LOXHD1: variants seen among roughly 807,000 people sequenced by gnomAD.
LOXHD1 encodes the protein lipoxygenase homology domain-containing protein 1.
Under a neutral mutation model 248.2 loss-of-function variants are expected in LOXHD1, and 205 were observed. That is an observed-to-expected ratio of 0.83 (90% CI 0.74 to 0.93). The LOEUF is 0.93. Ranked by LOEUF, LOXHD1 falls within the 40% of genes least tolerant of loss-of-function variation. The pLI is 0.00. For synonymous variants in LOXHD1, 1,113 were observed against 1,162.8 expected (o/e 0.96, Z 0.87); for missense variants, 2,930 against 2,971.6 (o/e 0.99, Z 0.33).
intron 37 of LOXHD1, 67 bp from the exon 38 acceptor site, chr18:46,489,209 T>G (rs2033291858): frequency 6.7e-7 from 1 of 1,494,268 alleles, no homozygotes; most frequent in Admixed American, 2.0e-5. Flanking sequence ...GACTTCTACA[T>G]CCCCACAACC....
At chr18:46,504,124 G>GT (rs200695948) in intron 37 of LOXHD1, among the ~76,000 whole-genome samples, 4,825 of 150,948 alleles carry the variant, frequency 0.032, 108 homozygotes, top group Middle Eastern at 0.071. Context: ...GTTTTGTTTT[G>GT]TTTTTTTTTG....
In LOXHD1 at chr18:46,477,421, C is replaced by A. The variant is rs2032090972; in HGVS notation, c.*51G>T. 3.3e-6 allele frequency: 5 copies of A among 1,531,768 alleles called. No homozygotes were observed. The Admixed American group carries it at 8.0e-5, about 24-fold the overall frequency. The allele number at this position is 1,531,768 out of a possible 1,614,324, so 94.9% of individuals were successfully genotyped here. A position where few individuals can be genotyped will look rare whatever the true frequency, so the allele number is the denominator to read the frequency against. Reference sequence around the variant, plus strand: ...GGCTGCTGACCGCCAAGGTGGAGGGCAGAAATGTGAGATTGGGGCATCTCA... The same window carrying A: ...GGCTGCTGACCGCCAAGGTGGAGGGAAGAAATGTGAGATTGGGGCATCTCA... On this transcript the variant is annotated 3_prime_UTR_variant, in exon 41 of 41. Coordinates refer to ENST00000642948, the MANE Select transcript of LOXHD1 (RefSeq NM_001384474.1).
chr18:46,599,212 G>C (rs1012712751), intron 8 of LOXHD1, among the ~76,000 whole-genome samples: 3 of 152,196 alleles, frequency 2.0e-5, no homozygotes, highest in Middle Eastern at 3.4e-3. Flanking sequence ...GTAAATCAGT[G>C]CTTCCAAAAC....
intron 31 of LOXHD1, among the ~76,000 whole-genome samples, chr18:46,522,929 G>A (rs1438559540): frequency 2.0e-5 from 3 of 151,962 alleles, no homozygotes; most frequent in Non-Finnish European, 4.4e-5. Flanking sequence ...TGTTGGGTAG[G>A]TTTCTGGGGA....
intron 21 of LOXHD1, 90 bp downstream of exon 21, chr18:46,557,266 C>T (rs1598996740): frequency 8.0e-6 from 12 of 1,501,140 alleles, no homozygotes; most frequent in Non-Finnish European, 1.1e-5. Context: ...ACAGCCGGCC[C>T]ACCCCCAGTC....
At chr18:46,510,790 G>A (rs2034914502) in intron 34 of LOXHD1, among the ~76,000 whole-genome samples, 2 of 152,192 alleles carry the variant, frequency 1.3e-5, no homozygotes, top group African/African-American at 2.4e-5. Flanking sequence ...AACTTGCTCT[G>A]TGTGCATTTT....
chr18:46,542,487 G>A (rs1598958294), intron 24 of LOXHD1, among the ~76,000 whole-genome samples: 1 of 152,136 alleles, frequency 6.6e-6, no homozygotes, highest in African/African-American at 2.4e-5. Context: ...ACCGACACTG[G>A]GGTTGATAAA....
chr18:46,626,801 A>G (rs1417650092), intron 4 of LOXHD1, among the ~76,000 whole-genome samples: 1 of 152,150 alleles, frequency 6.6e-6, no homozygotes, highest in East Asian at 1.9e-4. Flanking sequence ...TAGACAAATG[A>G]TTTCACCTCC....
intron 12 of LOXHD1, among the ~76,000 whole-genome samples, chr18:46,583,485 C>G (rs925043192): frequency 3.3e-5 from 5 of 151,830 alleles, no homozygotes; most frequent in Non-Finnish European, 7.4e-5. Context: ...ACAGCAAAAA[C>G]AAACAAGCAA....
Position 46,477,760 on chromosome 18 carries a change from G to C in LOXHD1, c.6534C>G (p.Ile2178Met). 1 of 1,551,914 alleles carries C rather than the reference G, an allele frequency of 6.4e-7. No homozygotes were observed. The highest frequency in any genetic ancestry group is 8.7e-7 in the Non-Finnish European group (1 of 1,147,046). Reference sequence around the variant, plus strand: ...TGCCTGTGTCTCCGTTGGCCCCAAAGATGGTCACGAAGACGTTGGCATCAG... The same window carrying C: ...TGCCTGTGTCTCCGTTGGCCCCAAACATGGTCACGAAGACGTTGGCATCAG... ...AGTDANVFVTIFGANGDTGKR... is the reference protein window; with the variant it reads ...AGTDANVFVTMFGANGDTGKR... The change falls in exon 41 of 41, where the codon ATC becomes ATG. Residue 2178 changes from isoleucine to methionine, a missense_variant. Coordinates refer to ENST00000642948, the MANE Select transcript of LOXHD1 (RefSeq NM_001384474.1).
At chr18:46,510,036 C>T (rs2034863969) in intron 34 of LOXHD1, among the ~76,000 whole-genome samples, 2 of 152,190 alleles carry the variant, frequency 1.3e-5, no homozygotes, top group Non-Finnish European at 2.9e-5. Flanking sequence ...TGGCCCCGAA[C>T]CAAGAGGTAT....
In LOXHD1 at chr18:46,592,063, G is replaced by C; in HGVS notation, c.1524C>G (p.Thr508=). The C allele has an allele frequency of 5.8e-6, 9 of 1,552,200 alleles. No individual in the cohort carries two copies. Among genetic ancestry groups the C allele is most frequent in the Non-Finnish European group, 7.0e-6 (8 of 1,147,070 alleles). Residue 508 remains threonine, a synonymous_variant, in exon 12 of 41, where the codon ACC becomes ACG. Transcript: ENST00000642948. ...SGSGWHLERM[T]LMNTLNKDKY... ...TGTCTTTGTTCAGAGTGTTCATCAG[G>C]GTCATCTGGAATGAAGTTCTGGGGT... is the stretch of plus-strand genomic sequence containing the variant.
intron 33 of LOXHD1, among the ~76,000 whole-genome samples, chr18:46,520,122 G>T (rs1002712592): frequency 6.6e-6 from 1 of 152,194 alleles, no homozygotes; most frequent in South Asian, 2.1e-4. Context: ...AGATGTCTGG[G>T]GGGTAGGGGA....
Position 46,641,993 on chromosome 18 carries a change from C to T in LOXHD1, c.289G>A (p.Val97Met). Reference sequence around the variant, plus strand: ...ATGAGGCCCACATTGTTGGTTCTCACCCGGAACACATCGACGTTGCCCTTC... The same window carrying T: ...ATGAGGCCCACATTGTTGGTTCTCATCCGGAACACATCGACGTTGCCCTTC... ...FEKGNVDVFRVRTNNVGLIYK... is the reference protein window; with the variant it reads ...FEKGNVDVFRMRTNNVGLIYK... Residue 97 changes from valine (V) to methionine (M), a missense_variant, in exon 3 of 41, where the codon GTG becomes ATG. Physicochemically the swap from Val to Met is conservative, Grantham distance 21. Coordinates refer to ENST00000642948, the MANE Select transcript of LOXHD1 (RefSeq NM_001384474.1). The T allele has an allele frequency of 6.4e-7, 1 of 1,552,356 alleles. No individual in the cohort carries two copies. Among genetic ancestry groups the T allele is most frequent in the Non-Finnish European group, 8.7e-7 (1 of 1,147,132 alleles).
rs139642444 is a variant in LOXHD1 at position 46,548,502 on chromosome 18, G to C, written c.3351-1444C>G. Among the ~76,000 whole-genome samples, 666 of 152,292 alleles carry C rather than the reference G, an allele frequency of 4.4e-3. 3 individuals carry two copies. Among genetic ancestry groups the C allele is most frequent in the African/African-American group, 0.015 (629 of 41,554 alleles). On this transcript the variant is annotated intron_variant, in intron 21 of 40. Coordinates refer to ENST00000642948, the MANE Select transcript of LOXHD1 (RefSeq NM_001384474.1). ...GCATGGATTTAAAGGAGCTCGACCT[G>C]GGGCAATATGAACTAAGCTACCATT...
At chr18:46,550,134 A>G (rs1049741664) in intron 21 of LOXHD1, among the ~76,000 whole-genome samples, 9 of 152,238 alleles carry the variant, frequency 5.9e-5, no homozygotes, top group Non-Finnish European at 1.3e-4. Context: ...ATTAAAGACA[A>G]CGTACTCCCA....
In LOXHD1 at chr18:46,489,130, C is replaced by T. The variant is rs771725391; in HGVS notation, c.5891G>A (p.Gly1964Asp). 4.5e-6 allele frequency: 7 copies of T among 1,551,530 alleles called. No homozygotes were observed. The South Asian group carries it at 8.3e-5, about 18-fold the overall frequency. ...VWHDNKGIFP[G>D]WHLSYVDVKD... ...CACATCGACATAGCTCAGATGCCAG[C>T]CAGGAAATATCCCTGTGGAAAAGAC... Residue 1964 changes from glycine to aspartate, a missense_variant, in exon 38 of 41, where the codon GGC becomes GAC. Coordinates refer to ENST00000642948, the MANE Select transcript of LOXHD1 (RefSeq NM_001384474.1).
intron 8 of LOXHD1, among the ~76,000 whole-genome samples, chr18:46,598,992 T>C (rs1452588472): frequency 6.6e-6 from 1 of 152,116 alleles, no homozygotes; most frequent in African/African-American, 2.4e-5. Flanking sequence ...AAAATATTCT[T>C]GAGGAAGAAT....
intron 14 of LOXHD1, among the ~76,000 whole-genome samples, chr18:46,572,542 A>C (rs2037772928): frequency 6.6e-6 from 1 of 152,246 alleles, no homozygotes; most frequent in Admixed American, 6.5e-5. Flanking sequence ...AACAACAGGT[A>C]GAGAGCTGGC....
Sources: gnomAD v4.1 joint callset for allele counts (sites outside exome capture counted in the v4.1 genomes callset) on GRCh38, gnomAD v4.1.1 for gene constraint, MANE v1.5 for transcripts, NCBI Gene and HGNC (gene_info 2026-07-23, HGNC 2026-07-21) for gene names.